Variants in IKBKE observed in about 807,000 individuals in gnomAD.
IKBKE encodes inhibitor of nuclear factor kappa B kinase subunit epsilon.
Under a neutral mutation model 92.1 loss-of-function variants are expected in IKBKE, and 45 were observed. The observed-to-expected ratio is 0.49, with a 90% CI of 0.38 to 0.63. IKBKE has a LOEUF of 0.63. IKBKE is among the 20% of genes least tolerant of loss of function. The probability of loss-of-function intolerance (pLI) is 0.00; values close to 1 mark genes in which losing one functional copy is unlikely to be tolerated. For synonymous variants in IKBKE, 374 were observed against 380.3 expected (o/e 0.98, Z 0.19); for missense variants, 700 against 932.8 (o/e 0.75, Z 3.25).
At chr1:206,471,326 T>C (rs1040154302) in intron 2 of IKBKE, 81 bp downstream of exon 2, 1 of 152,326 alleles carries the variant, frequency 6.6e-6, no homozygotes, top group African/African-American at 2.4e-5. Context: ...CATGCTTCAC[T>C]GTCCACTGCT....
intron 21 of IKBKE, among the ~76,000 whole-genome samples, chr1:206,494,559 G>GATT (rs1261488560): frequency 1.5e-4 from 21 of 142,842 alleles, no homozygotes; most frequent in Non-Finnish European, 3.2e-4. Context: ...CCGACTCTGA[G>GATT]ATTGAGATTT....
chr1:206,486,480 G>A (rs1000516208), intron 15 of IKBKE, among the ~76,000 whole-genome samples: 1 of 151,218 alleles, frequency 6.6e-6, no homozygotes. Context: ...GATGAAGGCT[G>A]TGGATCGAGG....
chr1:206,474,028 C>G (rs1664921767), intron 3 of IKBKE, among the ~76,000 whole-genome samples: 1 of 150,860 alleles, frequency 6.6e-6, no homozygotes, highest in South Asian at 2.1e-4. Flanking sequence ...TTCCCTGCTG[C>G]TAACCCCAGG....
In IKBKE at chr1:206,470,571, C is replaced by A. The variant is rs1329802729; in HGVS notation, c.-250C>A. ...GGCACAGACATTGCAACTGGCCCTGCCTGTGGGTCCTAGGGGCCCTTGGCT... is the reference window on the plus strand; with the variant it reads ...GGCACAGACATTGCAACTGGCCCTGACTGTGGGTCCTAGGGGCCCTTGGCT... On this transcript the variant is annotated 5_prime_UTR_variant, in exon 1 of 22. Coordinates refer to ENST00000581977, the MANE Select transcript of IKBKE (RefSeq NM_014002.4). 6.6e-6 allele frequency: 1 copy of A among 152,308 alleles called. No homozygotes were observed. Among genetic ancestry groups the A allele is most frequent in the Non-Finnish European group, 1.5e-5 (1 of 68,102 alleles). The allele number at this position is 152,308 out of a possible 1,614,324, so 9.4% of individuals were successfully genotyped here.
In IKBKE at chr1:206,476,735, G is replaced by T. The variant is rs372503127; in HGVS notation, c.598G>T (p.Val200Leu). 2 of 1,614,138 alleles carry T rather than the reference G, an allele frequency of 1.2e-6. No individual in the cohort carries two copies. The highest frequency in any genetic ancestry group is 1.1e-5 in the South Asian group (1 of 91,094). Residue 200 changes from valine (V) to leucine (L), a missense_variant, in exon 7 of 22, where the codon GTG becomes TTG. Physicochemically the swap from Val to Leu is conservative, Grantham distance 32 (BLOSUM62 1). Coordinates refer to ENST00000581977, the MANE Select transcript of IKBKE (RefSeq NM_014002.4). This position sits in a 1 kb window ranked among gnomAD's most constrained non-coding sequence, Gnocchi z 5.1. ...AAAGCCCCAGCAAAAAGCGTTCGGGGTGACTGTGGATCTCTGGAGCATTGG... is the reference window on the plus strand; with the variant it reads ...AAAGCCCCAGCAAAAAGCGTTCGGGTTGACTGTGGATCTCTGGAGCATTGG... ...LRKPQQKAFG[V>L]TVDLWSIGVT...
In IKBKE at chr1:206,476,362, G is replaced by C; in HGVS notation, c.540G>C (p.Leu180=). 1 of 1,604,918 alleles carries C rather than the reference G, an allele frequency of 6.2e-7. No homozygotes were observed. Among genetic ancestry groups the C allele is most frequent in the East Asian group, 2.2e-5 (1 of 44,692 alleles). Reference sequence around the variant, plus strand: ...CGGTCTATGGGACTGAGGAGTACCTGGTGGGTGAGCTGCTCGAGACCCGCT... The same window carrying C: ...CGGTCTATGGGACTGAGGAGTACCTCGTGGGTGAGCTGCTCGAGACCCGCT... ...FVSVYGTEEY[L]HPDMYERAVL... is the part of the protein sequence containing the mutation. The change falls in exon 6 of 22, where the codon CTG becomes CTC. Residue 180 remains leucine, a splice_region_variant and synonymous_variant. Coordinates refer to ENST00000581977, the MANE Select transcript of IKBKE (RefSeq NM_014002.4). This position sits in a 1 kb window ranked among gnomAD's most constrained non-coding sequence, Gnocchi z 5.1.
chr1:206,494,593 T>TGC lies in IKBKE; in HGVS notation c.2117+602_2117+603insGC, dbSNP rs1491321201. On this transcript the variant is annotated intron_variant, in intron 21 of 21. Transcript: ENST00000581977. ...TTTGCATACCAGTAAAAGTTCTTTC[T>TGC]TTTTTTTTTTTTTTTTTTTTTTTTT... 7.3e-3 allele frequency among the ~76,000 whole-genome samples: 444 copies of TGC among 60,612 alleles called. 3 individuals are homozygous for TGC. The highest frequency in any genetic ancestry group is 0.012 in the Middle Eastern group (2 of 172). The allele number at this position is 60,612 out of a possible 152,430, so 39.8% of individuals were successfully genotyped here. A position where few individuals can be genotyped will look rare whatever the true frequency, so the allele number is the denominator to read the frequency against.
At position 206,472,969 on chromosome 1, in the gene IKBKE, G is replaced by T. The variant is rs41262944; in HGVS notation, c.-32-227G>T. The T allele has an allele frequency of 2.1e-3, 983 of 479,028 alleles. 5 individuals carry two copies. Among genetic ancestry groups the T allele is most frequent in the Non-Finnish European group, 3.2e-3 (867 of 270,910 alleles). 29.7% of individuals were successfully genotyped at this position (479,028 alleles called of 1,614,324 possible). ...ACAGGCAGCAGGTGGAACAGGTGCCGGCTGTGGGCTGAGGGCTCAGTGGGG... is the reference window on the plus strand; with the variant it reads ...ACAGGCAGCAGGTGGAACAGGTGCCTGCTGTGGGCTGAGGGCTCAGTGGGG... On this transcript the variant is annotated intron_variant, in intron 2 of 21. Transcript: ENST00000581977.
rs782313349 is a variant in IKBKE at position 206,480,473 on chromosome 1, G to A, written c.1367G>A (p.Arg456Gln). The change falls in exon 13 of 22, where the codon CGG (arginine) becomes CAG (glutamine). Residue 456 changes from arginine to glutamine, a missense_variant. By Grantham distance (43) the Arg-to-Gln change is conservative. Coordinates refer to ENST00000581977, the MANE Select transcript of IKBKE (RefSeq NM_014002.4). ...VMEVLQATCRRTLEVARTSLL... is the reference protein window; with the variant it reads ...VMEVLQATCRQTLEVARTSLL... The stretch of plus-strand genomic sequence containing the variant: ...GAGGTGCTCCAGGCCACATGCAGAC[G>A]GACTCTGGAAGTGGCAAGGACATCC... The A allele has an allele frequency of 1.4e-5, 22 of 1,613,742 alleles. 1 individual carries two copies. Among genetic ancestry groups the A allele is most frequent in the African/African-American group, 8.0e-5 (6 of 74,940 alleles).
At position 206,493,915 on chromosome 1, in the gene IKBKE, G is replaced by A; in HGVS notation, c.2046-5G>A. On this transcript the variant is annotated splice_region_variant and splice_polypyrimidine_tract_variant and intron_variant, in intron 20 of 21. Transcript: ENST00000581977. Reference sequence around the variant, plus strand: ...AGCCGCCTCTCCTGCCTCTGCCTTGGGCAGCATGCAAGAGCTCTGCGAGGG... The same window carrying A: ...AGCCGCCTCTCCTGCCTCTGCCTTGAGCAGCATGCAAGAGCTCTGCGAGGG... The A allele has an allele frequency of 6.2e-7, 1 of 1,613,844 alleles. No individual in the cohort carries two copies. The highest frequency in any genetic ancestry group is 1.1e-5 in the South Asian group (1 of 91,066).
At chr1:206,482,316 T>C (rs1235129266) in intron 13 of IKBKE, among the ~76,000 whole-genome samples, 5 of 151,848 alleles carry the variant, frequency 3.3e-5, no homozygotes, top group African/African-American at 7.3e-5. Flanking sequence ...TAGAGAGAGG[T>C]TGGACCCCAA....
chr1:206,481,538 G>A (rs1280149488), intron 13 of IKBKE, among the ~76,000 whole-genome samples: 1 of 152,194 alleles, frequency 6.6e-6, no homozygotes, highest in Non-Finnish European at 1.5e-5. Context: ...GTGACAGAGA[G>A]TAGGGTTCAG....
intron 21 of IKBKE, among the ~76,000 whole-genome samples, chr1:206,495,856 CAAATG>C (rs1666207860): frequency 6.6e-6 from 1 of 152,200 alleles, no homozygotes; most frequent in African/African-American, 2.4e-5. Flanking sequence ...TTTAAACGTA[CAAATG>C]CCTGGGTCTT....
rs143604177 is a variant in IKBKE at position 206,472,557 on chromosome 1, C to T, written c.-32-639C>T. Among the ~76,000 whole-genome samples, 469 of 149,692 alleles carry T rather than the reference C, an allele frequency of 3.1e-3. 4 individuals carry two copies. Among genetic ancestry groups the T allele is most frequent in the African/African-American group, 0.011 (429 of 40,300 alleles). On this transcript the variant is annotated intron_variant, in intron 2 of 21. Coordinates refer to ENST00000581977, the MANE Select transcript of IKBKE (RefSeq NM_014002.4). Reference sequence around the variant, plus strand: ...CACACACCCACACCCTTCTCCCCAACGCCCTACACACATACACACACACAC... The same window carrying T: ...CACACACCCACACCCTTCTCCCCAATGCCCTACACACATACACACACACAC...
Position 206,490,439 on chromosome 1 carries a change from C to T in IKBKE, c.1694-380C>T, listed in dbSNP as rs782624542. ...ATGAACATTCAGGGATGGGACCACC[C>T]AGCTGCAGGCATCAGTCACTCTGGG... On this transcript the variant is annotated intron_variant, in intron 16 of 21. Coordinates refer to ENST00000581977, the MANE Select transcript of IKBKE (RefSeq NM_014002.4). The surrounding 1 kb of genome is among the most constrained non-coding windows in gnomAD (Gnocchi z 5.2). Among the ~76,000 whole-genome samples the T allele has an allele frequency of 6.6e-6, 1 of 152,162 alleles. No homozygotes were observed. The highest frequency in any genetic ancestry group is 2.4e-5 in the African/African-American group (1 of 41,442).
chr1:206,473,168 C>T (rs1664869956), intron 2 of IKBKE, 28 bp from the exon 3 acceptor site: 2 of 1,395,714 alleles, frequency 1.4e-6, no homozygotes, highest in Non-Finnish European at 1.0e-6. Flanking sequence ...GAATGGAATC[C>T]TGGGCCCCCA....
rs782375161 is a variant in IKBKE, at chr1:206,474,378, C to T, written c.135C>T (p.Tyr45=). ...TGAAGGTCTTCAACACTACCAGCTA[C>T]CTGCGGCCCCGCGAGGTGCAGGTGA... ...VAVKVFNTTS[Y]LRPREVQVRE... The change falls in exon 4 of 22, where the codon TAC becomes TAT. Residue 45 remains tyrosine (Y), a synonymous_variant. Coordinates refer to ENST00000581977, the MANE Select transcript of IKBKE (RefSeq NM_014002.4). The T allele has an allele frequency of 5.6e-6, 9 of 1,614,144 alleles. No individual in the cohort carries two copies. The highest frequency in any genetic ancestry group is 1.7e-5 in the Admixed American group (1 of 60,026).
intron 13 of IKBKE, among the ~76,000 whole-genome samples, chr1:206,483,155 C>T (rs555965880): frequency 3.9e-5 from 6 of 152,376 alleles, no homozygotes; most frequent in African/African-American, 1.2e-4. Flanking sequence ...CCAGGCAAGA[C>T]TTCATCTCCA....
At chr1:206,482,762 C>A (rs922818768) in intron 13 of IKBKE, among the ~76,000 whole-genome samples, 3 of 152,248 alleles carry the variant, frequency 2.0e-5, no homozygotes, top group African/African-American at 7.2e-5. Context: ...ATGATCTCTG[C>A]GGCCTCCCAG....
Sources: allele counts gnomAD v4.1 joint callset (sites outside exome capture counted in the v4.1 genomes callset), GRCh38; gene constraint gnomAD v4.1.1; non-coding constraint Gnocchi (gnomAD v3.1); transcripts MANE v1.5; gene names NCBI Gene and HGNC (gene_info 2026-07-23, HGNC 2026-07-21).